The following FRMPD1 variants were observed in gnomAD, a reference collection of about 807,000 sequenced individuals.
FRMPD1 encodes the protein FERM and PDZ domain containing 1, also known as FERM and PDZ domain-containing protein 1.
FRMPD1 carries 76 observed loss-of-function variants against 117.8 expected under a neutral mutation model. The observed-to-expected ratio is 0.65, with a 90% confidence interval of 0.54 to 0.78. FRMPD1 has a LOEUF of 0.78. Among genes scored for constraint, FRMPD1 ranks in the 30% least tolerant of loss-of-function variants. FRMPD1 has a pLI of 0.00. For synonymous variants in FRMPD1, 783 were observed against 770.4 expected (o/e 1.02, Z -0.27); for missense variants, 1,786 against 1,964.5 (o/e 0.91, Z 1.72).
chr9:37,737,549 C>G (rs1165968322), intron 14 of FRMPD1, among the ~76,000 whole-genome samples: 1 of 152,174 alleles, frequency 6.6e-6, no homozygotes, highest in East Asian at 1.9e-4. Flanking sequence ...CTCAGCCAGG[C>G]ATTGTGGCTC....
chr9:37,655,814 A>G (rs1820825968), intron 1 of FRMPD1, among the ~76,000 whole-genome samples: 1 of 151,796 alleles, frequency 6.6e-6, no homozygotes, highest in East Asian at 1.9e-4. Flanking sequence ...CCCAACTCTT[A>G]ATCCCCCTAG....
chr9:37,664,305 G>GTATT (rs3075982), intron 1 of FRMPD1, among the ~76,000 whole-genome samples: 9,141 of 149,454 alleles, frequency 0.061, 352 homozygotes, highest in East Asian at 0.13. Flanking sequence ...ATGTATGTAT[G>GTATT]TATTTATTTA....
chr9:37,735,747 G>A lies in FRMPD1; in HGVS notation c.1401+13G>A. 1 of 1,594,884 alleles carries A rather than the reference G, an allele frequency of 6.3e-7. No individual in the cohort carries two copies. Among genetic ancestry groups the A allele is most frequent in the Non-Finnish European group, 8.6e-7 (1 of 1,164,374 alleles). On this transcript the variant is annotated intron_variant, in intron 13 of 15. Transcript: ENST00000377765. ...TCAGGACGTCAAGGTAACACAATGG[G>A]GAGAGATTCTGAATTCAACTGCTGG...
At chr9:37,626,469 C>G in the FRMPD1 span, among the ~76,000 whole-genome samples, 1 of 143,076 alleles carries the variant, frequency 7.0e-6, no homozygotes, top group Non-Finnish European at 1.5e-5. Flanking sequence ...TGTGCCACTG[C>G]ACTCCAGCCT....
At chr9:37,647,519 A>AAG, upstream of FRMPD1, among the ~76,000 whole-genome samples, 1 of 152,236 alleles carries the variant, frequency 6.6e-6, no homozygotes, top group African/African-American at 2.4e-5. Flanking sequence ...TCAAAAAAAA[A>AAG]AAAAAAAAAG....
chr9:37,696,394 A>G (rs1278333884), intron 2 of FRMPD1, among the ~76,000 whole-genome samples: 2 of 152,070 alleles, frequency 1.3e-5, no homozygotes, highest in African/African-American at 4.8e-5. Flanking sequence ...GAGACCAGGG[A>G]CCCTGACTGT....
chr9:37,724,404 C>T, intron 7 of FRMPD1, 84 bp downstream of exon 7: 3 of 702,050 alleles, frequency 4.3e-6, no homozygotes. Flanking sequence ...CCTGCATCTG[C>T]CTTGGTGGTC....
rs77002511 is a variant in FRMPD1, at chr9:37,657,233, A to G, written c.-5+6139A>G. 2.6e-3 allele frequency among the ~76,000 whole-genome samples: 397 copies of G among 152,270 alleles called. 1 individual carries two copies. Among genetic ancestry groups the G allele is most frequent in the African/African-American group, 9.2e-3 (384 of 41,556 alleles). On this transcript the variant is annotated intron_variant, in intron 1 of 15. Coordinates refer to ENST00000377765, the MANE Select transcript of FRMPD1 (RefSeq NM_014907.3). ...GGTGTAGGCTACAGCTTGTATTAAAACCAACGATAACAATCCCACCTCCCC... is the reference window on the plus strand; with the variant it reads ...GGTGTAGGCTACAGCTTGTATTAAAGCCAACGATAACAATCCCACCTCCCC...
At chr9:37,701,596 A>G (rs1199968116) in intron 2 of FRMPD1, among the ~76,000 whole-genome samples, 2 of 151,730 alleles carry the variant, frequency 1.3e-5, no homozygotes, top group East Asian at 1.9e-4. Context: ...CCAAAGGCCA[A>G]TGTGTTTGAG....
the FRMPD1 span, among the ~76,000 whole-genome samples, chr9:37,629,900 T>G: frequency 2.6e-5 from 4 of 152,188 alleles, no homozygotes; most frequent in African/African-American, 9.7e-5. Flanking sequence ...AATGGAAATA[T>G]ATTCCTGACA....
At chr9:37,718,592 G>A (rs1823253341) in intron 5 of FRMPD1, among the ~76,000 whole-genome samples, 1 of 152,234 alleles carries the variant, frequency 6.6e-6, no homozygotes, top group Non-Finnish European at 1.5e-5. Context: ...AAGGGTCAGA[G>A]TTTCAGGGAA....
Position 37,692,729 on chromosome 9 carries a change from G to T in FRMPD1, c.88G>T (p.Asp30Tyr), listed in dbSNP as rs1462544551. Reference sequence around the variant, plus strand: ...GGCAAGATGGCTTCGGCGCTCCCGGGACAGCTCGGCCCGGTAAGCCTCCTG... The same window carrying T: ...GGCAAGATGGCTTCGGCGCTCCCGGTACAGCTCGGCCCGGTAAGCCTCCTG... ...MVARWLRRSR[D>Y]SSARAKVAAA... The change falls in exon 2 of 16, where the codon GAC (aspartate) becomes TAC (tyrosine). Residue 30 changes from aspartate (D) to tyrosine (Y), a missense_variant. By Grantham distance (160) the Asp-to-Tyr change is radical. Coordinates refer to ENST00000377765, the MANE Select transcript of FRMPD1 (RefSeq NM_014907.3). The T allele has an allele frequency of 6.2e-7, 1 of 1,612,862 alleles. No homozygotes were observed. The highest frequency in any genetic ancestry group is 8.5e-7 in the Non-Finnish European group (1 of 1,178,984).
the FRMPD1 span, among the ~76,000 whole-genome samples, chr9:37,641,540 C>T: frequency 6.6e-6 from 1 of 152,230 alleles, no homozygotes; most frequent in East Asian, 1.9e-4. Context: ...CTACCTCTGG[C>T]TCCACGGCCC....
the FRMPD1 span, among the ~76,000 whole-genome samples, chr9:37,629,559 C>T: frequency 6.6e-6 from 1 of 152,176 alleles, no homozygotes; most frequent in Non-Finnish European, 1.5e-5. Flanking sequence ...CAGGGCCACC[C>T]GCCAACATCA....
chr9:37,714,459 G>A (rs1157447846), intron 5 of FRMPD1, among the ~76,000 whole-genome samples: 4 of 152,166 alleles, frequency 2.6e-5, no homozygotes, highest in Non-Finnish European at 5.9e-5. Flanking sequence ...ACGTGCTCTG[G>A]AGGTCTCTCA....
the FRMPD1 span, among the ~76,000 whole-genome samples, chr9:37,630,375 C>CTTAT: frequency 2.0e-3 from 299 of 151,508 alleles, 6 homozygotes; most frequent in African/African-American, 2.7e-3. Flanking sequence ...TTCTTTTTTG[C>CTTAT]TTATTTATTT....
In FRMPD1 at chr9:37,737,222, C is replaced by T. The variant is rs777109808; in HGVS notation, c.1528C>T (p.His510Tyr). The part of the protein sequence containing the change: ...FLWPGNKQQA[H>Y]RVSAEEGYES... ...CTGGCCTGGAAACAAACAACAAGCG[C>T]ACCGGGTATCTGCAGAAGAAGGTGA... The change falls in exon 14 of 16, where the codon CAC becomes TAC. Residue 510 changes from histidine to tyrosine, a missense_variant. Physicochemically the swap from His to Tyr is moderately conservative, Grantham distance 83. Transcript: ENST00000377765. 10 of 1,614,038 alleles carry T rather than the reference C, an allele frequency of 6.2e-6. 1 individual carries two copies. The highest frequency in any genetic ancestry group is 4.5e-5 in the East Asian group (2 of 44,866).
At chr9:37,649,242 T>C (rs1820595986), upstream of FRMPD1, among the ~76,000 whole-genome samples, 1 of 152,248 alleles carries the variant, frequency 6.6e-6, no homozygotes, top group Admixed American at 6.5e-5. Flanking sequence ...AAAATAATTT[T>C]TAAAATTAAA....
At chr9:37,691,369 C>T (rs1219838828) in intron 1 of FRMPD1, among the ~76,000 whole-genome samples, 1 of 152,178 alleles carries the variant, frequency 6.6e-6, no homozygotes, top group Non-Finnish European at 1.5e-5. Context: ...GGCAAATCAG[C>T]ACCCCTAGAT....
Sources: gnomAD v4.1 joint callset for allele counts (sites outside exome capture counted in the v4.1 genomes callset) on GRCh38, gnomAD v4.1.1 for gene constraint, MANE v1.5 for transcripts, NCBI Gene and HGNC (gene_info 2026-07-23, HGNC 2026-07-21) for gene names.